AGBL1: variants seen among roughly 807,000 people sequenced by gnomAD.
The protein encoded by AGBL1 is cytosolic carboxypeptidase 4.
Under a neutral mutation model 118.9 loss-of-function variants are expected in AGBL1, and 130 were observed. That is an observed-to-expected ratio of 1.09 (90% CI 0.95 to 1.26). The LOEUF (loss-of-function observed/expected upper bound fraction) is 1.26. Ranked by LOEUF, AGBL1 falls within the 50% of genes most tolerant of loss-of-function variation. The probability of loss-of-function intolerance (pLI) is 0.00; values close to 1 mark genes in which losing one functional copy is unlikely to be tolerated. For synonymous variants in AGBL1, 555 were observed against 478.9 expected (o/e 1.16, Z -2.08); for missense variants, 1,584 against 1,298.1 (o/e 1.22, Z -3.38).
chr15:86,541,610 A>G (rs2083496325), intron 19 of AGBL1, among the ~76,000 whole-genome samples: 1 of 150,824 alleles, frequency 6.6e-6, no homozygotes, highest in South Asian at 2.1e-4. Context: ...AAAAAAAAAA[A>G]AAAAAAAGAG....
At chr15:86,441,921 T>G (rs2082068980) in intron 18 of AGBL1, among the ~76,000 whole-genome samples, 1 of 152,078 alleles carries the variant, frequency 6.6e-6, no homozygotes, top group Admixed American at 6.5e-5. Flanking sequence ...CAGAAGAACT[T>G]AAGGAAAGTT....
chr15:86,654,306 A>T (rs1159491060), intron 21 of AGBL1, among the ~76,000 whole-genome samples: 3 of 151,834 alleles, frequency 2.0e-5, no homozygotes, highest in African/African-American at 7.3e-5. Context: ...AGATCTTCCC[A>T]TTTTTTTCAA....
chr15:86,166,249 T>C lies in AGBL1; in HGVS notation c.488+7223T>C, dbSNP rs368465148. ...ACATTCTATGTGCCTGTCTCAATGT[T>C]AAGTGCTGGAGAAATGTTGCTTGGG... On this transcript the variant is annotated intron_variant, in intron 5 of 22. Coordinates refer to ENST00000614907, the MANE Select transcript of AGBL1 (RefSeq NM_001386094.1). 1.8e-3 allele frequency among the ~76,000 whole-genome samples: 270 copies of C among 152,320 alleles called. 4 individuals carry two copies. The South Asian group carries it at 0.051, about 29-fold the overall frequency.
intron 22 of AGBL1, among the ~76,000 whole-genome samples, chr15:86,875,603 A>T (rs548341880): frequency 1.9e-4 from 29 of 152,278 alleles, no homozygotes; most frequent in African/African-American, 5.5e-4. Context: ...CACAGCACTG[A>T]CACATAGATT....
chr15:86,564,639 GTGGCGTTCTC>G (rs1442255501), intron 21 of AGBL1, among the ~76,000 whole-genome samples: 2 of 152,104 alleles, frequency 1.3e-5, no homozygotes, highest in African/African-American at 4.8e-5. Flanking sequence ...GAATATCTTT[GTGGCGTTCTC>G]TGTATTTCAT....
chr15:86,368,453 A>C (rs1225535437), intron 17 of AGBL1, among the ~76,000 whole-genome samples: 3 of 152,252 alleles, frequency 2.0e-5, no homozygotes, highest in Non-Finnish European at 4.4e-5. Flanking sequence ...TGAAGATTTT[A>C]AAGTTACTAC....
At chr15:86,896,413 C>G (rs979546665) in intron 22 of AGBL1, among the ~76,000 whole-genome samples, 1 of 151,310 alleles carries the variant, frequency 6.6e-6, no homozygotes, top group Non-Finnish European at 1.5e-5. Flanking sequence ...AAAAAAAATA[C>G]CTGCATGGTA....
At chr15:86,365,959 T>C (rs1360894214) in intron 17 of AGBL1, among the ~76,000 whole-genome samples, 2 of 152,192 alleles carry the variant, frequency 1.3e-5, no homozygotes, top group Admixed American at 1.3e-4. Context: ...AAAAAAATCT[T>C]TTTTTCCTCC....
chr15:86,884,429 T>C (rs1388052941), intron 22 of AGBL1, among the ~76,000 whole-genome samples: 1 of 152,260 alleles, frequency 6.6e-6, no homozygotes, highest in East Asian at 1.9e-4. Context: ...TCATTGTTTT[T>C]GGACCGAGGT....
chr15:86,824,033 AC>A (rs920047715), intron 22 of AGBL1, among the ~76,000 whole-genome samples: 2 of 152,066 alleles, frequency 1.3e-5, no homozygotes, highest in Non-Finnish European at 2.9e-5. Context: ...AAGGATGTCC[AC>A]TCTCACCATT....
chr15:86,780,085 T>C (rs1015262416), intron 22 of AGBL1, among the ~76,000 whole-genome samples: 1 of 152,230 alleles, frequency 6.6e-6, no homozygotes, highest in Admixed American at 6.5e-5. Context: ...TATCCTCCTA[T>C]GTGTTTTTAA....
intron 23 of AGBL1, among the ~76,000 whole-genome samples, chr15:86,951,957 G>A (rs1293499983): frequency 1.3e-5 from 2 of 152,078 alleles, no homozygotes; most frequent in Non-Finnish European, 2.9e-5. Context: ...TCCTGGCTGG[G>A]CACGGTGGCT....
intron 21 of AGBL1, among the ~76,000 whole-genome samples, chr15:86,636,498 T>G (rs958596671): frequency 2.7e-5 from 4 of 150,550 alleles, no homozygotes; most frequent in Non-Finnish European, 5.9e-5. Context: ...AAGATAGTTT[T>G]TTTTTTTTCT....
intron 22 of AGBL1, among the ~76,000 whole-genome samples, chr15:86,871,934 T>G (rs527339712): frequency 1.3e-5 from 2 of 152,224 alleles, no homozygotes; most frequent in Non-Finnish European, 2.9e-5. Flanking sequence ...TACAGTTACA[T>G]TTAGAAAATA....
At chr15:86,472,786 G>T (rs760079618) in intron 18 of AGBL1, among the ~76,000 whole-genome samples, 2 of 152,214 alleles carry the variant, frequency 1.3e-5, no homozygotes, top group South Asian at 4.1e-4. Context: ...AGGTGTGATG[G>T]CACAGGCCTG....
chr15:86,980,713 CAT>C (rs2081223466), intron 23 of AGBL1, among the ~76,000 whole-genome samples: 1 of 152,018 alleles, frequency 6.6e-6, no homozygotes, highest in Non-Finnish European at 1.5e-5. Flanking sequence ...AGTCTTGCAT[CAT>C]GTTTTTTCAT....
chr15:86,402,784 T>G (rs955399861), intron 18 of AGBL1, among the ~76,000 whole-genome samples: 8 of 152,166 alleles, frequency 5.3e-5, no homozygotes, highest in Admixed American at 4.6e-4. Flanking sequence ...AAAGGCATGA[T>G]TTCCCAGCAA....
chr15:86,517,585 G>A (rs1214212990), intron 18 of AGBL1, among the ~76,000 whole-genome samples: 1 of 152,196 alleles, frequency 6.6e-6, no homozygotes, highest in Non-Finnish European at 1.5e-5. Context: ...GGGTGATCAT[G>A]CCTCTGGTAA....
chr15:86,384,567 A>G (rs1374774738), intron 17 of AGBL1, among the ~76,000 whole-genome samples: 1 of 132,396 alleles, frequency 7.6e-6, no homozygotes, highest in Non-Finnish European at 1.6e-5. Context: ...TATTCCCAGC[A>G]TATTATAATA....
Sources: gnomAD v4.1 joint callset for allele counts (sites outside exome capture counted in the v4.1 genomes callset) on GRCh38, gnomAD v4.1.1 for gene constraint, MANE v1.5 for transcripts, NCBI Gene and HGNC (gene_info 2026-07-23, HGNC 2026-07-21) for gene names.